RALYL: variants seen among roughly 807,000 people sequenced by gnomAD.
RALYL encodes RNA-binding Raly-like protein.
A neutral mutation model predicts 35.1 loss-of-function variants in RALYL; 29 were observed. The ratio of observed to expected loss-of-function variants is 0.83; its 90% confidence interval spans 0.61 to 1.13. The LOEUF (loss-of-function observed/expected upper bound fraction) is 1.13. Ranked by LOEUF, RALYL falls within the 50% of genes most tolerant of loss-of-function variation. RALYL has a pLI of 0.00. For missense variants in RALYL, 359 were observed against 360.4 expected, an observed-to-expected ratio of 1.00 and a Z score of 0.03; for synonymous variants, 120 against 127.6, an observed-to-expected ratio of 0.94 and a Z score of 0.40.
intron 1 of RALYL, among the ~76,000 whole-genome samples, chr8:84,481,600 G>T (rs1039525003): frequency 6.6e-6 from 1 of 152,126 alleles, no homozygotes. Context: ...GATAAAAAAT[G>T]ATTGGATAGT....
At chr8:84,657,562 A>AAGC (rs1830183254) in intron 2 of RALYL, among the ~76,000 whole-genome samples, 1 of 152,236 alleles carries the variant, frequency 6.6e-6, no homozygotes, top group Admixed American at 6.5e-5. Context: ...GAGAATAGGA[A>AAGC]AGCATCCATC....
At chr8:84,867,454 G>C (rs906039002) in intron 6 of RALYL, among the ~76,000 whole-genome samples, 1 of 152,008 alleles carries the variant, frequency 6.6e-6, no homozygotes, top group Non-Finnish European at 1.5e-5. Flanking sequence ...TTTACTTTTT[G>C]TCATACATTT....
chr8:84,489,141 C>T (rs940616032), intron 1 of RALYL, among the ~76,000 whole-genome samples: 1 of 151,986 alleles, frequency 6.6e-6, no homozygotes, highest in Non-Finnish European at 1.5e-5. Context: ...CAAATATGAG[C>T]ATAAAGGAAT....
intron 8 of RALYL, among the ~76,000 whole-genome samples, chr8:84,906,487 T>C (rs1021596343): frequency 1.3e-5 from 2 of 152,168 alleles, no homozygotes; most frequent in African/African-American, 4.8e-5. Context: ...ACACTGAATC[T>C]AATAATCTGT....
At chr8:84,297,639 G>A (rs1840013463) in intron 1 of RALYL, among the ~76,000 whole-genome samples, 1 of 152,066 alleles carries the variant, frequency 6.6e-6, no homozygotes, top group Admixed American at 6.6e-5. Flanking sequence ...GCTTTCTACA[G>A]TGGTTGAATT....
At chr8:84,679,661 G>A (rs1834958414) in intron 2 of RALYL, 2 of 497,034 alleles carry the variant, frequency 4.0e-6, no homozygotes, top group Non-Finnish European at 8.2e-6. Context: ...TGACAATGAA[G>A]TACAGAGAAA....
chr8:84,756,160 T>TA (rs1554572266), intron 2 of RALYL, among the ~76,000 whole-genome samples: 2 of 151,462 alleles, frequency 1.3e-5, no homozygotes, highest in African/African-American at 4.9e-5. Flanking sequence ...CTATTTCTCA[T>TA]CCCCCCCAAA....
chr8:84,539,479 T>G (rs570594287), intron 2 of RALYL, among the ~76,000 whole-genome samples: 11 of 152,206 alleles, frequency 7.2e-5, no homozygotes, highest in Admixed American at 7.2e-4. Context: ...GCTCTAATTT[T>G]CTCATTTGTG....
At position 84,798,648 on chromosome 8, in the gene RALYL, T is replaced by G. The variant is rs181182875; in HGVS notation, c.333-6122T>G. Among the ~76,000 whole-genome samples, 58 of 152,338 alleles carry G rather than the reference T, an allele frequency of 3.8e-4. 2 individuals are homozygous for G. Among genetic ancestry groups the G allele is most frequent in the Admixed American group, 3.5e-3 (54 of 15,306 alleles). ...AGGTCAGGGCTTGGGTTGTCATAGC[T>G]AAAAAGAACAGATCAGATAATGGTA... is the stretch of plus-strand genomic sequence containing the variant. On this transcript the variant is annotated intron_variant, in intron 3 of 8. Transcript: ENST00000521268.
chr8:84,582,169 A>G (rs1318473008), intron 2 of RALYL, among the ~76,000 whole-genome samples: 4 of 152,136 alleles, frequency 2.6e-5, no homozygotes, highest in Non-Finnish European at 5.9e-5. Context: ...TCCTATCTAT[A>G]TATTTCAATA....
At chr8:84,367,349 T>G (rs1300895064) in intron 1 of RALYL, among the ~76,000 whole-genome samples, 5 of 105,166 alleles carry the variant, frequency 4.8e-5, no homozygotes, top group African/African-American at 1.1e-4. Context: ...TTTTTTTTTT[T>G]TTTTTTTTTT....
At chr8:84,499,144 A>G (rs996917528) in intron 1 of RALYL, among the ~76,000 whole-genome samples, 14 of 150,542 alleles carry the variant, frequency 9.3e-5, no homozygotes, top group African/African-American at 2.5e-4. Flanking sequence ...GGTTTGTTAC[A>G]TGGATACACT....
At chr8:84,741,248 T>G (rs1807226806) in intron 2 of RALYL, among the ~76,000 whole-genome samples, 1 of 152,034 alleles carries the variant, frequency 6.6e-6, no homozygotes, top group African/African-American at 2.4e-5. Flanking sequence ...TTGGCCTCTC[T>G]GAGGCACTGC....
intron 1 of RALYL, among the ~76,000 whole-genome samples, chr8:84,230,167 T>C (rs1824978972): frequency 6.6e-6 from 1 of 152,100 alleles, no homozygotes; most frequent in Non-Finnish European, 1.5e-5. Context: ...AGTATAGAAA[T>C]AGCTTCAAAT....
At chr8:84,747,710 G>T (rs762036947) in intron 2 of RALYL, among the ~76,000 whole-genome samples, 5 of 151,798 alleles carry the variant, frequency 3.3e-5, no homozygotes, top group African/African-American at 4.8e-5. Context: ...AATAATAATA[G>T]TGACTTGACT....
chr8:84,435,388 C>T (rs540672808), intron 1 of RALYL, among the ~76,000 whole-genome samples: 5 of 151,992 alleles, frequency 3.3e-5, no homozygotes, highest in Non-Finnish European at 7.4e-5. Context: ...AATTTTTTCT[C>T]AAAGCACAAA....
chr8:84,783,140 G>A (rs1161623146), intron 3 of RALYL, among the ~76,000 whole-genome samples: 1 of 101,900 alleles, frequency 9.8e-6, no homozygotes, highest in Non-Finnish European at 2.0e-5. Flanking sequence ...AGGGTAGCAT[G>A]AAAGAAATTG....
At chr8:84,854,314 C>T (rs982495847) in intron 5 of RALYL, among the ~76,000 whole-genome samples, 4 of 151,634 alleles carry the variant, frequency 2.6e-5, no homozygotes, top group African/African-American at 9.7e-5. Flanking sequence ...CCACTGCACT[C>T]CAGCCTGGGG....
At chr8:84,639,854 A>T (rs750982061) in intron 2 of RALYL, among the ~76,000 whole-genome samples, 9 of 152,108 alleles carry the variant, frequency 5.9e-5, no homozygotes, top group Non-Finnish European at 8.8e-5. Context: ...AATCAATATA[A>T]TAGGCAAAAT....
Sources: gnomAD v4.1 joint callset for allele counts (sites outside exome capture counted in the v4.1 genomes callset) on GRCh38, gnomAD v4.1.1 for gene constraint, MANE v1.5 for transcripts, NCBI Gene and HGNC (gene_info 2026-07-23, HGNC 2026-07-21) for gene names.